BTRC: variants seen among roughly 807,000 people sequenced by gnomAD.
BTRC encodes the protein beta-transducin repeat containing E3 ubiquitin protein ligase.
A neutral mutation model predicts 85.5 loss-of-function variants in BTRC; 42 were observed. The observed-to-expected ratio is 0.49, with a 90% CI of 0.38 to 0.64. The LOEUF is 0.64. Ranked by LOEUF, BTRC falls within the 30% of genes least tolerant of loss-of-function variation. The pLI is 0.00. For synonymous variants in BTRC, 255 were observed against 263.3 expected (o/e 0.97, Z 0.30); for missense variants, 594 against 743.5 (o/e 0.80, Z 2.34).
intron 4 of BTRC, among the ~76,000 whole-genome samples, chr10:101,487,333 C>G (rs1244797104): frequency 6.6e-6 from 1 of 152,170 alleles, no homozygotes; most frequent in African/African-American, 2.4e-5. Flanking sequence ...ATATGAAGAA[C>G]AGGATTTTTC....
At chr10:101,366,899 T>A (rs12412530) in intron 1 of BTRC, among the ~76,000 whole-genome samples, 1,301 of 25,396 alleles carry the variant, frequency 0.051, 98 homozygotes, top group African/African-American at 0.091. Flanking sequence ...TATATATATT[T>A]ATATATATTA....
intron 1 of BTRC, among the ~76,000 whole-genome samples, chr10:101,377,828 TTAAG>T (rs1445006817): frequency 6.6e-6 from 1 of 152,186 alleles, no homozygotes; most frequent in African/African-American, 2.4e-5. Context: ...CTACAAAGTT[TTAAG>T]TAAGCCATGT....
At chr10:101,354,314 C>T (rs551397734) in intron 1 of BTRC, 86 bp downstream of exon 1, 7 of 1,445,604 alleles carry the variant, frequency 4.8e-6, no homozygotes, top group Admixed American at 4.3e-5. Flanking sequence ...ACTGCGGGAC[C>T]GGGCAGCGGG....
intron 4 of BTRC, among the ~76,000 whole-genome samples, chr10:101,489,201 A>G (rs985405385): frequency 2.0e-5 from 3 of 152,138 alleles, no homozygotes; most frequent in Admixed American, 6.6e-5. Flanking sequence ...CCAATATTTT[A>G]GAATCAGTGA....
chr10:101,410,000 G>A (rs993921452), intron 1 of BTRC, among the ~76,000 whole-genome samples: 2 of 152,070 alleles, frequency 1.3e-5, no homozygotes, highest in African/African-American at 2.4e-5. Flanking sequence ...ATTGTTTCCC[G>A]TGGTTACTGA....
At chr10:101,426,596 T>C (rs1187998332) in intron 1 of BTRC, among the ~76,000 whole-genome samples, 1 of 152,190 alleles carries the variant, frequency 6.6e-6, no homozygotes, top group Non-Finnish European at 1.5e-5. Context: ...AATGAGGAAG[T>C]GTGTTAGAAC....
At chr10:101,530,892 G>A (rs1052927914) in intron 6 of BTRC, among the ~76,000 whole-genome samples, 1 of 152,082 alleles carries the variant, frequency 6.6e-6, no homozygotes, top group South Asian at 2.1e-4. Context: ...ATATAATGTC[G>A]GCCGGGTGTG....
intron 1 of BTRC, among the ~76,000 whole-genome samples, chr10:101,361,144 T>C (rs1942193862): frequency 6.6e-6 from 1 of 152,068 alleles, no homozygotes. Flanking sequence ...TCTCGCTCTA[T>C]TGCCCAAGCT....
chr10:101,378,346 C>G (rs1182806754), intron 1 of BTRC, among the ~76,000 whole-genome samples: 1 of 151,978 alleles, frequency 6.6e-6, no homozygotes, highest in Non-Finnish European at 1.5e-5. Context: ...ATTTGGAATG[C>G]ATACTTGCTG....
chr10:101,448,060 A>T (rs1944871642), intron 2 of BTRC, among the ~76,000 whole-genome samples: 1 of 152,206 alleles, frequency 6.6e-6, no homozygotes, highest in Non-Finnish European at 1.5e-5. Context: ...AAGCAATGGC[A>T]GCATAATCAA....
rs565246690 is a variant in BTRC at position 101,515,817 on chromosome 10, T to G, written c.325-5822T>G. Among the ~76,000 whole-genome samples, 122 of 152,348 alleles carry G rather than the reference T, an allele frequency of 8.0e-4. 1 individual carries two copies. The highest frequency in any genetic ancestry group is 1.5e-3 in the Non-Finnish European group (105 of 68,034). On this transcript the variant is annotated intron_variant, in intron 4 of 14. Transcript: ENST00000370187. Reference sequence around the variant, plus strand: ...TGAGCCACTGCTCCCAGGCTAAACTTTATCAAATTTATTTCTGAGAATTTT... The same window carrying G: ...TGAGCCACTGCTCCCAGGCTAAACTGTATCAAATTTATTTCTGAGAATTTT...
At chr10:101,390,597 G>T (rs561678154) in intron 1 of BTRC, among the ~76,000 whole-genome samples, 1 of 151,840 alleles carries the variant, frequency 6.6e-6, no homozygotes, top group African/African-American at 2.4e-5. Flanking sequence ...CTCCCAAAGC[G>T]CTAGGATTAC....
At chr10:101,490,546 A>C (rs1946103993) in intron 4 of BTRC, among the ~76,000 whole-genome samples, 1 of 152,220 alleles carries the variant, frequency 6.6e-6, no homozygotes, top group South Asian at 2.1e-4. Context: ...GTTCTTGCTC[A>C]CTAGATTGCC....
At position 101,468,679 on chromosome 10, in the gene BTRC, G is replaced by A. The variant is rs1270237036; in HGVS notation, c.234+6621G>A. ...TATACCCCCACTCCCAGTCACTAAC[G>A]ATTTTCATTATACTATATCTTGTTA... On this transcript the variant is annotated intron_variant, in intron 3 of 14. Coordinates refer to ENST00000370187, the MANE Select transcript of BTRC (RefSeq NM_033637.4). 5.3e-5 allele frequency among the ~76,000 whole-genome samples: 8 copies of A among 152,194 alleles called. No individual in the cohort carries two copies. The East Asian group carries it at 1.5e-3, about 29-fold the overall frequency.
intron 1 of BTRC, among the ~76,000 whole-genome samples, chr10:101,372,778 G>A (rs552798450): frequency 2.6e-5 from 4 of 151,822 alleles, no homozygotes; most frequent in East Asian, 2.0e-4. Flanking sequence ...CAGGAGAATC[G>A]CTTGAACCTG....
chr10:101,382,282 C>A (rs1942956325), intron 1 of BTRC, among the ~76,000 whole-genome samples: 2 of 151,732 alleles, frequency 1.3e-5, no homozygotes, highest in South Asian at 4.2e-4. Flanking sequence ...CGCGTCCGGC[C>A]CCTAAGAATG....
At chr10:101,539,637 G>A (rs2062437365) in intron 13 of BTRC, among the ~76,000 whole-genome samples, 1 of 152,180 alleles carries the variant, frequency 6.6e-6, no homozygotes, top group Non-Finnish European at 1.5e-5. Context: ...CATTTATGTA[G>A]AAGTCTTGGG....
rs566969428 is a variant in BTRC, at chr10:101,414,227, A to C, written c.49-16118A>C. ...GTGGATTTATACAGTACAGGCATGC[A>C]CTGTATAATGACATTTCAGTCAGTG... On this transcript the variant is annotated intron_variant, in intron 1 of 14. Coordinates refer to ENST00000370187, the MANE Select transcript of BTRC (RefSeq NM_033637.4). Among the ~76,000 whole-genome samples the C allele has an allele frequency of 7.9e-5, 12 of 152,302 alleles. No homozygotes were observed. In the East Asian group the frequency reaches 1.7e-3, roughly 22 times the overall value.
At chr10:101,445,843 A>T (rs1469551713) in intron 2 of BTRC, among the ~76,000 whole-genome samples, 1 of 152,190 alleles carries the variant, frequency 6.6e-6, no homozygotes, top group Non-Finnish European at 1.5e-5. Context: ...AGTTTGAATT[A>T]TCTGCTTTTA....
Sources: allele counts gnomAD v4.1 joint callset (sites outside exome capture counted in the v4.1 genomes callset), GRCh38; gene constraint gnomAD v4.1.1; transcripts MANE v1.5; gene names NCBI Gene and HGNC (gene_info 2026-07-23, HGNC 2026-07-21).